GSG1L: variants seen among roughly 807,000 people sequenced by gnomAD.
GSG1L encodes germ cell-specific gene 1-like protein.
A neutral mutation model predicts 42.1 loss-of-function variants in GSG1L; 24 were observed. The observed-to-expected ratio is 0.57, with a 90% CI of 0.41 to 0.80. The LOEUF (loss-of-function observed/expected upper bound fraction) is 0.80. Ranked by LOEUF, GSG1L falls within the 30% of genes least tolerant of loss-of-function variation. GSG1L has a pLI of 0.00. For missense variants in GSG1L, 445 were observed against 472.2 expected, an observed-to-expected ratio of 0.94 and a Z score of 0.53; for synonymous variants, 215 against 203.5, an observed-to-expected ratio of 1.06 and a Z score of -0.48.
chr16:27,920,745 T>C (rs1313463186), intron 2 of GSG1L, among the ~76,000 whole-genome samples: 1 of 152,126 alleles, frequency 6.6e-6, no homozygotes, highest in African/African-American at 2.4e-5. Flanking sequence ...TGTAATTAAA[T>C]CCCAGAAGAT....
chr16:27,945,076 C>CAAAA (rs34265192), intron 2 of GSG1L, among the ~76,000 whole-genome samples: 25 of 87,294 alleles, frequency 2.9e-4, no homozygotes, highest in South Asian at 9.1e-4. Flanking sequence ...GACCCTGTCT[C>CAAAA]AAAAAAAAAA....
chr16:27,897,432 A>G (rs1056587076), intron 2 of GSG1L, among the ~76,000 whole-genome samples: 3 of 152,124 alleles, frequency 2.0e-5, no homozygotes, highest in Admixed American at 6.6e-5. Context: ...CCAAGTCTCC[A>G]GGACCACAGG....
intron 1 of GSG1L, among the ~76,000 whole-genome samples, chr16:28,006,719 T>C (rs994818055): frequency 3.3e-5 from 5 of 152,142 alleles, no homozygotes; most frequent in Non-Finnish European, 5.9e-5. Flanking sequence ...GGTCATTTAT[T>C]ACAGCACCCA....
At chr16:27,817,388 G>C (rs1422431409) in intron 5 of GSG1L, among the ~76,000 whole-genome samples, 1 of 152,164 alleles carries the variant, frequency 6.6e-6, no homozygotes, top group Admixed American at 6.5e-5. Flanking sequence ...GACTGACTCT[G>C]TTTCCCAAAT....
At chr16:28,020,483 C>T (rs2085829952) in intron 1 of GSG1L, among the ~76,000 whole-genome samples, 1 of 152,112 alleles carries the variant, frequency 6.6e-6, no homozygotes, top group African/African-American at 2.4e-5. Context: ...GTTCTAAGTA[C>T]CTTTCCATGG....
chr16:28,060,048 C>T (rs550210822), intron 1 of GSG1L, among the ~76,000 whole-genome samples: 2 of 152,120 alleles, frequency 1.3e-5, no homozygotes, highest in East Asian at 1.9e-4. Context: ...CTCCTTCTCA[C>T]GGAGCGGTGA....
chr16:27,888,357 CG>C (rs1208364878), intron 2 of GSG1L, among the ~76,000 whole-genome samples: 1 of 152,174 alleles, frequency 6.6e-6, no homozygotes, highest in Non-Finnish European at 1.5e-5. Flanking sequence ...ACGGGTACCC[CG>C]ATGCCTGGCG....
At position 28,063,256 on chromosome 16, in the gene GSG1L, C is replaced by A. The variant is rs2086366426; in HGVS notation, c.169G>T (p.Ala57Ser). The A allele has an allele frequency of 7.6e-7, 1 of 1,313,082 alleles. No homozygotes were observed. The highest frequency in any genetic ancestry group is 9.7e-7 in the Non-Finnish European group (1 of 1,027,818). 81.3% of individuals were successfully genotyped at this position (1,313,082 alleles called of 1,614,324 possible). The change falls in exon 1 of 7, where the codon GCC becomes TCC. Residue 57 changes from alanine (A) to serine (S), a missense_variant. Physicochemically the swap from Ala to Ser is moderately conservative, Grantham distance 99 (BLOSUM62 1). This residue lies in a region of GSG1L where 156 missense variants were observed against 128.3 expected (regional missense o/e 1.22). Transcript: ENST00000447459. The surrounding 1 kb of genome is among the most constrained non-coding windows in gnomAD (Gnocchi z 5.8). ...GCGGTGCCGTTGGCCGTGGCGTTGG[C>A]GCCCGAGTTGGGGCAGTTGGCGCGC... is the stretch of plus-strand genomic sequence containing the variant. Reference protein sequence around the residue: ...GGRANCPNSGANATANGTAAP... With the variant: ...GGRANCPNSGSNATANGTAAP...
intron 4 of GSG1L, among the ~76,000 whole-genome samples, chr16:27,831,790 T>C (rs574330902): frequency 4.1e-4 from 62 of 152,338 alleles, no homozygotes; most frequent in African/African-American, 1.3e-3. Flanking sequence ...AAGATCTTTT[T>C]TCAAATAACA....
intron 1 of GSG1L, among the ~76,000 whole-genome samples, chr16:28,044,750 A>G (rs2086143943): frequency 6.6e-6 from 1 of 151,556 alleles, no homozygotes; most frequent in Non-Finnish European, 1.5e-5. Flanking sequence ...CAGCCTCCCA[A>G]GTAGCCAGGA....
chr16:27,820,981 G>C (rs929016405), intron 5 of GSG1L, among the ~76,000 whole-genome samples: 1 of 152,160 alleles, frequency 6.6e-6, no homozygotes, highest in Non-Finnish European at 1.5e-5. Context: ...CCCCGTGCCT[G>C]AAATAGCCTT....
At chr16:27,870,291 G>A (rs2083800851) in intron 3 of GSG1L, among the ~76,000 whole-genome samples, 1 of 130,844 alleles carries the variant, frequency 7.6e-6, no homozygotes, top group South Asian at 2.5e-4. Flanking sequence ...TTCTGTCTCT[G>A]TCTCCATCTC....
chr16:27,994,829 C>T (rs1250695900), intron 1 of GSG1L, among the ~76,000 whole-genome samples: 1 of 152,200 alleles, frequency 6.6e-6, no homozygotes, highest in Non-Finnish European at 1.5e-5. Context: ...CACAGGGCCA[C>T]GACATTGCAC....
At chr16:27,798,023 C>T (rs947414400) in intron 6 of GSG1L, among the ~76,000 whole-genome samples, 4 of 152,032 alleles carry the variant, frequency 2.6e-5, no homozygotes, top group African/African-American at 9.7e-5. Context: ...ACTGGGTGCT[C>T]CACAGGGGGA....
intron 2 of GSG1L, among the ~76,000 whole-genome samples, chr16:27,953,065 A>C (rs1320049637): frequency 6.6e-6 from 1 of 152,154 alleles, no homozygotes; most frequent in Non-Finnish European, 1.5e-5. Flanking sequence ...CCTAACATCC[A>C]TGTTGTGAGC....
chr16:27,934,526 C>T (rs938271283), intron 2 of GSG1L, among the ~76,000 whole-genome samples: 1 of 151,986 alleles, frequency 6.6e-6, no homozygotes, highest in Non-Finnish European at 1.5e-5. Context: ...CAGAGTGAGA[C>T]TCTGTCTCAA....
At chr16:27,929,426 G>A (rs1479828427) in intron 2 of GSG1L, among the ~76,000 whole-genome samples, 1 of 152,138 alleles carries the variant, frequency 6.6e-6, no homozygotes, top group Non-Finnish European at 1.5e-5. Context: ...GAGCCCGGTG[G>A]GAATCAGCCG....
chr16:27,821,897 G>A (rs1311533093), intron 5 of GSG1L, among the ~76,000 whole-genome samples: 1 of 140,372 alleles, frequency 7.1e-6, no homozygotes, highest in African/African-American at 2.8e-5. Flanking sequence ...GAGCGAGAGT[G>A]TCTCAAAAAA....
intron 1 of GSG1L, among the ~76,000 whole-genome samples, chr16:28,002,528 G>C (rs111764007): frequency 0.031 from 4,708 of 152,288 alleles, 134 homozygotes; most frequent in Admixed American, 0.059. Context: ...GGCTAAGGCA[G>C]GGGGATGGCT....
Sources: gnomAD v4.1 joint callset for allele counts (sites outside exome capture counted in the v4.1 genomes callset) on GRCh38, gnomAD v4.1.1 for gene constraint, gnomAD v4.1.1 regional missense constraint, Gnocchi (gnomAD v3.1) non-coding constraint, MANE v1.5 for transcripts, NCBI Gene and HGNC (gene_info 2026-07-23, HGNC 2026-07-21) for gene names.